ATXN7: variants seen among roughly 807,000 people sequenced by gnomAD.
ATXN7 encodes the protein ataxin-7.
Under a neutral mutation model 70.5 loss-of-function variants are expected in ATXN7, and 12 were observed. The observed-to-expected ratio is 0.17, with a 90% CI of 0.11 to 0.28. The LOEUF (loss-of-function observed/expected upper bound fraction) is 0.28, where lower values mean the gene tolerates loss of function less well. Ranked by LOEUF, ATXN7 falls within the 10% of genes least tolerant of loss-of-function variation. The pLI is 1.00. For synonymous variants in ATXN7, 498 were observed against 448.7 expected, an observed-to-expected ratio of 1.11 and a Z score of -1.39; for missense variants, 1,256 against 1,131.7, an observed-to-expected ratio of 1.11 and a Z score of -1.58.
intron 1 of ATXN7, among the ~76,000 whole-genome samples, chr3:63,867,318 A>G (rs891957626): frequency 1.3e-5 from 2 of 152,148 alleles, no homozygotes; most frequent in Non-Finnish European, 2.9e-5. Context: ...GGAAGTTAGA[A>G]TTCTTTTCTT....
Position 63,936,280 on chromosome 3 carries a change from A to G in ATXN7, c.395-16099A>G, listed in dbSNP as rs1465745576. 2.0e-5 allele frequency among the ~76,000 whole-genome samples: 3 copies of G among 152,280 alleles called. No individual in the cohort carries two copies. In the Middle Eastern group the frequency reaches 0.01, roughly 518 times the overall value. On this transcript the variant is annotated intron_variant, in intron 4 of 12. Coordinates refer to ENST00000674280, the MANE Select transcript of ATXN7 (RefSeq NM_001377405.1). ...TTTTTTTTCATACAATAAGGCCTCT[A>G]AATGCAAGCCAGCTATCTCACCTGG... is the stretch of plus-strand genomic sequence containing the variant.
intron 4 of ATXN7, among the ~76,000 whole-genome samples, chr3:63,921,100 A>G (rs1217889462): frequency 6.6e-6 from 1 of 152,200 alleles, no homozygotes; most frequent in Non-Finnish European, 1.5e-5. Flanking sequence ...CGATTTTTGC[A>G]TTTCACCCAC....
At chr3:63,920,439 G>A (rs1704464439) in intron 4 of ATXN7, among the ~76,000 whole-genome samples, 2 of 152,140 alleles carry the variant, frequency 1.3e-5, no homozygotes, top group South Asian at 4.2e-4. Flanking sequence ...ACCCAGATCT[G>A]TCTAATTACT....
intron 1 of ATXN7, among the ~76,000 whole-genome samples, chr3:63,876,603 A>G (rs933066943): frequency 6.6e-6 from 1 of 152,188 alleles, no homozygotes; most frequent in Non-Finnish European, 1.5e-5. Flanking sequence ...AGCTCCTAGA[A>G]AAGATTTTTC....
chr3:63,871,449 GA>G (rs1191828967), intron 1 of ATXN7, among the ~76,000 whole-genome samples: 1 of 151,888 alleles, frequency 6.6e-6, no homozygotes, highest in African/African-American at 2.4e-5. Context: ...TACAAAAAAA[GA>G]AAAAAAGGTA....
At chr3:63,904,256 GT>G (rs1438008115) in intron 2 of ATXN7, 1 of 151,314 alleles carries the variant, frequency 6.6e-6, no homozygotes. Context: ...GTTGGAGCAT[GT>G]ATCAGTGCTT....
At chr3:63,960,253 A>AG (rs1446311402) in intron 5 of ATXN7, among the ~76,000 whole-genome samples, 1 of 152,210 alleles carries the variant, frequency 6.6e-6, no homozygotes, top group Non-Finnish European at 1.5e-5. Context: ...AAGGCCAGTG[A>AG]GGAGGCCTAA....
chr3:63,952,331 A>G (rs1422608216), intron 4 of ATXN7, 48 bp from the exon 5 acceptor site: 2 of 1,438,978 alleles, frequency 1.4e-6, no homozygotes, highest in Non-Finnish European at 1.9e-6. Flanking sequence ...ATGGTTTTAT[A>G]TCAGTCAGAA....
intron 5 of ATXN7, among the ~76,000 whole-genome samples, chr3:63,976,600 C>T (rs975485231): frequency 2.6e-5 from 4 of 152,048 alleles, no homozygotes; most frequent in African/African-American, 9.7e-5. Flanking sequence ...AGTGGAATTC[C>T]ATATTAAGAG....
rs1249369966 is a variant in ATXN7, at chr3:64,001,091, T to C, written c.*1624T>C. On this transcript the variant is annotated 3_prime_UTR_variant, in exon 13 of 13. Transcript: ENST00000674280. ...TTTCAAACTTCAGTTTCAGGGAATTTCAAGTCAACAACAGGTAGAATGAAT... is the reference window on the plus strand; with the variant it reads ...TTTCAAACTTCAGTTTCAGGGAATTCCAAGTCAACAACAGGTAGAATGAAT... 1 of 152,128 alleles carries C rather than the reference T, an allele frequency of 6.6e-6. No homozygotes were observed. Among genetic ancestry groups the C allele is most frequent in the East Asian group, 1.9e-4 (1 of 5,176 alleles). The allele number at this position is 152,128 out of a possible 1,614,324, so 9.4% of individuals were successfully genotyped here.
At position 64,003,301 on chromosome 3, in the gene ATXN7, A is replaced by G. The variant is rs954518935; in HGVS notation, c.*3834A>G. On this transcript the variant is annotated 3_prime_UTR_variant, in exon 13 of 13. Coordinates refer to ENST00000674280, the MANE Select transcript of ATXN7 (RefSeq NM_001377405.1). ...GTTTGATAATTTGTACACATAATCA[A>G]GAGCATCTCAGCTGGACTTTGTGTT... The G allele has an allele frequency of 6.6e-6, 1 of 151,322 alleles. No individual in the cohort carries two copies. Among genetic ancestry groups the G allele is most frequent in the Non-Finnish European group, 1.5e-5 (1 of 67,928 alleles). 9.4% of individuals were successfully genotyped at this position (151,322 alleles called of 1,614,324 possible).
intron 4 of ATXN7, among the ~76,000 whole-genome samples, chr3:63,942,471 G>T (rs1386262168): frequency 2.0e-5 from 3 of 151,892 alleles, no homozygotes; most frequent in Non-Finnish European, 4.4e-5. Flanking sequence ...ACTTCGCAGG[G>T]TTTTTTTTCT....
Position 63,940,034 on chromosome 3 carries a change from G to C in ATXN7, c.395-12345G>C, listed in dbSNP as rs115697012. Among the ~76,000 whole-genome samples the C allele has an allele frequency of 1.6e-3, 242 of 152,208 alleles. 1 individual carries two copies. Among genetic ancestry groups the C allele is most frequent in the African/African-American group, 5.5e-3 (228 of 41,532 alleles). On this transcript the variant is annotated intron_variant, in intron 4 of 12. Transcript: ENST00000674280. Reference sequence around the variant, plus strand: ...AGGTGGTAATGCCAACTGGGGCTAAGAAGAGGCTGACCAAAAAAGTAAATA... The same window carrying C: ...AGGTGGTAATGCCAACTGGGGCTAACAAGAGGCTGACCAAAAAAGTAAATA...
At chr3:63,946,803 C>G (rs1360188653) in intron 4 of ATXN7, among the ~76,000 whole-genome samples, 1 of 152,112 alleles carries the variant, frequency 6.6e-6, no homozygotes, top group African/African-American at 2.4e-5. Flanking sequence ...GTCCAACCCC[C>G]ACTTTGAAGC....
At chr3:63,991,033 C>G (rs2075663626) in intron 11 of ATXN7, 174 bp downstream of exon 11, 2 of 879,498 alleles carry the variant, frequency 2.3e-6, no homozygotes, top group Non-Finnish European at 3.4e-6. Context: ...TACCCCACAA[C>G]TACATATTGT....
intron 12 of ATXN7, chr3:63,997,488 T>A: frequency 1.4e-6 from 1 of 701,898 alleles, no homozygotes; most frequent in Non-Finnish European, 2.4e-6. Flanking sequence ...TAACCATGAC[T>A]TTCTCTCTTA....
chr3:63,949,098 G>C (rs1477459817), intron 4 of ATXN7, among the ~76,000 whole-genome samples: 1 of 152,056 alleles, frequency 6.6e-6, no homozygotes. Context: ...TTGCAGACGG[G>C]TTGATTGTGA....
At chr3:63,918,209 C>T (rs1704361845) in intron 4 of ATXN7, among the ~76,000 whole-genome samples, 1 of 152,112 alleles carries the variant, frequency 6.6e-6, no homozygotes, top group African/African-American at 2.4e-5. Context: ...ACAAAACAGG[C>T]TTGCTAGGAG....
chr3:63,912,389 C>T (rs945982399), intron 2 of ATXN7, among the ~76,000 whole-genome samples, 199 bp from the exon 3 acceptor site: 5 of 151,354 alleles, frequency 3.3e-5, no homozygotes, highest in African/African-American at 1.2e-4. Context: ...AAAGCGAAAG[C>T]TAGCCCGCGC....
Sources: gnomAD v4.1 joint callset for allele counts (sites outside exome capture counted in the v4.1 genomes callset) on GRCh38, gnomAD v4.1.1 for gene constraint, MANE v1.5 for transcripts, NCBI Gene and HGNC (gene_info 2026-07-23, HGNC 2026-07-21) for gene names.